NRM: variants seen among roughly 807,000 people sequenced by gnomAD.
NRM encodes the protein nuclear rim protein.
NRM carries 19 observed loss-of-function variants against 23.4 expected under a neutral mutation model. The ratio of observed to expected loss-of-function variants is 0.81; its 90% CI spans 0.57 to 1.19. The LOEUF is 1.19. Among genes scored for constraint, NRM ranks in the 50% most tolerant of loss-of-function variants. The probability of loss-of-function intolerance (pLI) is 0.00; values close to 1 mark genes in which losing one functional copy is unlikely to be tolerated. For synonymous variants in NRM, 140 were observed against 143.5 expected (o/e 0.98, Z 0.17); for missense variants, 232 against 329.7 (o/e 0.70, Z 2.30).
At position 30,690,693 on chromosome 6, in the gene NRM, T is replaced by C. The variant is rs1771530103; in HGVS notation, c.133+149A>G. On this transcript the variant is annotated intron_variant, in intron 1 of 3. Coordinates refer to ENST00000376421, the MANE Select transcript of NRM (RefSeq NM_001384369.1). This position sits in a 1 kb window ranked among gnomAD's most constrained non-coding sequence, Gnocchi z 5.5. The stretch of plus-strand genomic sequence containing the variant: ...GAGTTCCTAATTTAGAACTCAGGTC[T>C]CCCTCCCCTGTAGCTTCTCGGCCGC... 1 of 1,610,346 alleles carries C rather than the reference T, an allele frequency of 6.2e-7. No individual in the cohort carries two copies. The highest frequency in any genetic ancestry group is 1.3e-5 in the African/African-American group (1 of 74,996).
Position 30,689,494 on chromosome 6 carries a change from TGCCC to T in NRM, c.331-46_331-43del. 6.6e-7 allele frequency: 1 copy of T among 1,511,894 alleles called. No homozygotes were observed. Among genetic ancestry groups the T allele is most frequent in the Non-Finnish European group, 8.9e-7 (1 of 1,127,844 alleles). The allele number at this position is 1,511,894 out of a possible 1,614,324, so 93.7% of individuals were successfully genotyped here. A position where few individuals can be genotyped will look rare whatever the true frequency, so the allele number is the denominator to read the frequency against. On this transcript the variant is annotated intron_variant, in intron 2 of 3. Coordinates refer to ENST00000376421, the MANE Select transcript of NRM (RefSeq NM_001384369.1). The surrounding 1 kb of genome is among the most constrained non-coding windows in gnomAD (Gnocchi z 4.7). The stretch of plus-strand genomic sequence containing the variant: ...GGCTGGGTATCCCAGTGGCCTAGTC[TGCCC>T]GACCTTGGGAGACCCAGACCCAGAT...
In NRM at chr6:30,688,435, C is replaced by CCCACTCTTCCTTGCTGGTGA. The variant is rs1484004565; in HGVS notation, c.*206_*225dup. 3.3e-6 allele frequency: 2 copies of CCCACTCTTCCTTGCTGGTGA among 601,736 alleles called. No individual in the cohort carries two copies. The highest frequency in any genetic ancestry group is 5.5e-5 in the East Asian group (2 of 36,206). The allele number at this position is 601,736 out of a possible 1,614,324, so 37.3% of individuals were successfully genotyped here. A position where few individuals can be genotyped will look rare whatever the true frequency, so the allele number is the denominator to read the frequency against. On this transcript the variant is annotated 3_prime_UTR_variant, in exon 4 of 4. Coordinates refer to ENST00000376421, the MANE Select transcript of NRM (RefSeq NM_001384369.1). This position sits in a 1 kb window ranked among gnomAD's most constrained non-coding sequence, Gnocchi z 5.9. ...GTGAAGGGACAGATGACTTCCATAC[C>CCCACTCTTCCTTGCTGGTGA]CCACTCTTCCTTGCTGGTGAGAAGT...
chr6:30,691,287 A>C, upstream of NRM: 1 of 325,880 alleles, frequency 3.1e-6, no homozygotes, highest in Non-Finnish European at 5.8e-6. Context: ...CCCATCTAAA[A>C]TGAAAAGTTA....
At position 30,690,189 on chromosome 6, in the gene NRM, AG is replaced by A. The variant is rs757081047; in HGVS notation, c.187del (p.Leu63TrpfsTer23). ...AAGCAGGAGCCCCAGATCCCATGCC[AG>A]GGGGGCAAGGATGCTGCGGTCCTGC... Reference protein sequence around the residue: ...ALQDRSILAPLAWDLGLLLLF... With the variant: ...ALQDRSILAPXAWDLGLLLLF... On this transcript the variant is annotated frameshift_variant, in exon 2 of 4. Coordinates refer to ENST00000376421, the MANE Select transcript of NRM (RefSeq NM_001384369.1). LOFTEE classifies it high-confidence loss of function. The surrounding 1 kb of genome is among the most constrained non-coding windows in gnomAD (Gnocchi z 5.5). 8.1e-6 allele frequency: 13 copies of A among 1,611,362 alleles called. No individual in the cohort carries two copies. Among genetic ancestry groups the A allele is most frequent in the Non-Finnish European group, 9.3e-6 (11 of 1,179,408 alleles).
In NRM at chr6:30,688,948, A is replaced by C; in HGVS notation, c.508-6T>G. The C allele has an allele frequency of 6.2e-7, 1 of 1,607,020 alleles. No individual in the cohort carries two copies. Among genetic ancestry groups the C allele is most frequent in the South Asian group, 1.1e-5 (1 of 90,806 alleles). On this transcript the variant is annotated splice_region_variant and splice_polypyrimidine_tract_variant and intron_variant, in intron 3 of 3. Transcript: ENST00000376421. This position sits in a 1 kb window ranked among gnomAD's most constrained non-coding sequence, Gnocchi z 5.9. ...CCCAGCACATGGTAGTATACCTAAG[A>C]GAGGGAGAAGAGCTTAGAAATGGAG...
chr6:30,690,644 C>T lies in NRM; in HGVS notation c.133+198G>A, dbSNP rs766975099. 3 of 1,577,892 alleles carry T rather than the reference C, an allele frequency of 1.9e-6. No homozygotes were observed. The Admixed American group carries it at 5.5e-5, about 29-fold the overall frequency. ...TCGGCTCCCTCAGTCCTCACTCTCCCGCCTCTCCAAAACTCTAATCCTTGA... is the reference window on the plus strand; with the variant it reads ...TCGGCTCCCTCAGTCCTCACTCTCCTGCCTCTCCAAAACTCTAATCCTTGA... On this transcript the variant is annotated intron_variant, in intron 1 of 3. Coordinates refer to ENST00000376421, the MANE Select transcript of NRM (RefSeq NM_001384369.1). This position sits in a 1 kb window ranked among gnomAD's most constrained non-coding sequence, Gnocchi z 5.5.
In NRM at chr6:30,690,714, G is replaced by A; in HGVS notation, c.133+128C>T. On this transcript the variant is annotated intron_variant, in intron 1 of 3. Coordinates refer to ENST00000376421, the MANE Select transcript of NRM (RefSeq NM_001384369.1). The surrounding 1 kb of genome is among the most constrained non-coding windows in gnomAD (Gnocchi z 5.5). ...GGTCTCCCTCCCCTGTAGCTTCTCG[G>A]CCGCTTTCAAGGTTCGAGTTCCCTC... 1 of 1,610,828 alleles carries A rather than the reference G, an allele frequency of 6.2e-7. No homozygotes were observed. Among genetic ancestry groups the A allele is most frequent in the African/African-American group, 1.3e-5 (1 of 74,986 alleles).
At position 30,690,015 on chromosome 6, in the gene NRM, G is replaced by T. The variant is rs560722332; in HGVS notation, c.330+32C>A. 6.3e-7 allele frequency: 1 copy of T among 1,582,236 alleles called. No individual in the cohort carries two copies. The highest frequency in any genetic ancestry group is 1.4e-5 in the African/African-American group (1 of 72,828). ...TCTCCCTTGGGGACTCAACTGCCAG[G>T]ATTTCATACCTGCAAGGCCAGGGCC... is the stretch of plus-strand genomic sequence containing the variant. On this transcript the variant is annotated intron_variant, in intron 2 of 3. Transcript: ENST00000376421. This position sits in a 1 kb window ranked among gnomAD's most constrained non-coding sequence, Gnocchi z 5.5.
chr6:30,690,459 ACAC>A lies in NRM; in HGVS notation c.134-219_134-217del. 3.9e-6 allele frequency: 5 copies of A among 1,286,692 alleles called. No individual in the cohort carries two copies. In the South Asian group the frequency reaches 6.0e-5, roughly 15 times the overall value. The allele number at this position is 1,286,692 out of a possible 1,614,324, so 79.7% of individuals were successfully genotyped here. A position where few individuals can be genotyped will look rare whatever the true frequency, so the allele number is the denominator to read the frequency against. ...AAACCTGGGGAAGAGGATTTATAGA[ACAC>A]CACATGTTAGGCAGTTGCAAAAAGC... On this transcript the variant is annotated intron_variant, in intron 1 of 3. Coordinates refer to ENST00000376421, the MANE Select transcript of NRM (RefSeq NM_001384369.1). This position sits in a 1 kb window ranked among gnomAD's most constrained non-coding sequence, Gnocchi z 5.5.
chr6:30,689,278 G>A lies in NRM; in HGVS notation c.505C>T (p.Gln169Ter), dbSNP rs778062500. 1.3e-6 allele frequency: 2 copies of A among 1,553,158 alleles called. No individual in the cohort carries two copies. The highest frequency in any genetic ancestry group is 2.4e-5 in the East Asian group (1 of 41,232). The change falls in exon 3 of 4, where the codon CAG (glutamine) becomes TAG (stop). Residue 169 changes from glutamine (Q) to a stop codon, truncating the protein, a stop_gained and splice_region_variant. Coordinates refer to ENST00000376421, the MANE Select transcript of NRM (RefSeq NM_001384369.1). LOFTEE classifies it high-confidence loss of function. This position sits in a 1 kb window ranked among gnomAD's most constrained non-coding sequence, Gnocchi z 4.7. ...FDYAELMGLK[Q>*]VYYHVLGLGE... ...AGGTAGGGATCTCGGAGCCTCACCT[G>A]TTTGAGGCCCATGAGCTCAGCATAG...
chr6:30,690,616 T>A lies in NRM; in HGVS notation c.133+226A>T. Reference sequence around the variant, plus strand: ...ACTTAGAATACTCCGGTCACCGCCCTTTTCGGCTCCCTCAGTCCTCACTCT... The same window carrying A: ...ACTTAGAATACTCCGGTCACCGCCCATTTCGGCTCCCTCAGTCCTCACTCT... On this transcript the variant is annotated intron_variant, in intron 1 of 3. Transcript: ENST00000376421. The surrounding 1 kb of genome is among the most constrained non-coding windows in gnomAD (Gnocchi z 5.5). 1.3e-6 allele frequency: 2 copies of A among 1,552,176 alleles called. No individual in the cohort carries two copies. Among genetic ancestry groups the A allele is most frequent in the South Asian group, 1.2e-5 (1 of 84,732 alleles).
chr6:30,691,350 T>G, upstream of NRM: 1 of 174,630 alleles, frequency 5.7e-6, no homozygotes. Context: ...CAGAATACAA[T>G]ATACAGAATA....
chr6:30,690,702 T>A lies in NRM; in HGVS notation c.133+140A>T, dbSNP rs747266790. On this transcript the variant is annotated intron_variant, in intron 1 of 3. Coordinates refer to ENST00000376421, the MANE Select transcript of NRM (RefSeq NM_001384369.1). This position sits in a 1 kb window ranked among gnomAD's most constrained non-coding sequence, Gnocchi z 5.5. ...ATTTAGAACTCAGGTCTCCCTCCCC[T>A]GTAGCTTCTCGGCCGCTTTCAAGGT... 2 of 1,610,454 alleles carry A rather than the reference T, an allele frequency of 1.2e-6. No homozygotes were observed. Among genetic ancestry groups the A allele is most frequent in the East Asian group, 2.2e-5 (1 of 44,788 alleles).
At position 30,690,310 on chromosome 6, in the gene NRM, A is replaced by C; in HGVS notation, c.134-67T>G. ...GTGGCAGAATGTTTCCCCCACCCTC[A>C]TCTCCTCTTGGATCCCCAGGCCATG... is the stretch of plus-strand genomic sequence containing the variant. On this transcript the variant is annotated intron_variant, in intron 1 of 3. Transcript: ENST00000376421. This position sits in a 1 kb window ranked among gnomAD's most constrained non-coding sequence, Gnocchi z 5.5. 2.9e-6 allele frequency: 4 copies of C among 1,385,056 alleles called. No homozygotes were observed. The highest frequency in any genetic ancestry group is 3.9e-6 in the Non-Finnish European group (4 of 1,023,806). 85.8% of individuals were successfully genotyped at this position (1,385,056 alleles called of 1,614,324 possible).
chr6:30,691,264 CTCG>C (rs1206157903), upstream of NRM: 3 of 383,222 alleles, frequency 7.8e-6, no homozygotes, highest in African/African-American at 6.1e-5. Flanking sequence ...TGAATCTCAG[CTCG>C]TCTAGTTTTC....
chr6:30,690,957 G>A lies in NRM; in HGVS notation c.18C>T (p.Leu6=). The A allele has an allele frequency of 6.3e-7, 1 of 1,599,716 alleles. No individual in the cohort carries two copies. Among genetic ancestry groups the A allele is most frequent in the African/African-American group, 1.3e-5 (1 of 74,580 alleles). Residue 6 remains leucine, a synonymous_variant, in exon 1 of 4, where the codon CTC becomes CTT. Coordinates refer to ENST00000376421, the MANE Select transcript of NRM (RefSeq NM_001384369.1). The surrounding 1 kb of genome is among the most constrained non-coding windows in gnomAD (Gnocchi z 5.5). ...AAGAGGCGAGGGCAGCAGGGATCAG[G>A]AGCAGTGCAGGGGCCATGGCGAGAA... The part of the protein sequence containing the change: MAPAL[L]LIPAALASFI...
rs1009918633 is a variant in NRM at position 30,689,893 on chromosome 6, T to G, written c.330+154A>C. ...ACCCTTCTTGATAAAAAGTAGGATA[T>G]GTGCTGTGGAGGAATGGAAGCTGAG... On this transcript the variant is annotated intron_variant, in intron 2 of 3. Transcript: ENST00000376421. This position sits in a 1 kb window ranked among gnomAD's most constrained non-coding sequence, Gnocchi z 4.7. 1 of 662,432 alleles carries G rather than the reference T, an allele frequency of 1.5e-6. No homozygotes were observed. The highest frequency in any genetic ancestry group is 1.9e-5 in the African/African-American group (1 of 52,926). The allele number at this position is 662,432 out of a possible 1,614,324, so 41.0% of individuals were successfully genotyped here.
chr6:30,688,560 A>G lies in NRM; in HGVS notation c.*101T>C, dbSNP rs971827273. On this transcript the variant is annotated 3_prime_UTR_variant, in exon 4 of 4. Coordinates refer to ENST00000376421, the MANE Select transcript of NRM (RefSeq NM_001384369.1). This position sits in a 1 kb window ranked among gnomAD's most constrained non-coding sequence, Gnocchi z 5.9. ...GTAGAAGGGGCATCTCCTTCAGTCC[A>G]TGGATTTGGGCCTCTGGCATGAAGC... 4.5e-6 allele frequency: 6 copies of G among 1,335,368 alleles called. No individual in the cohort carries two copies. Among genetic ancestry groups the G allele is most frequent in the African/African-American group, 1.5e-5 (1 of 68,312 alleles). 82.7% of individuals were successfully genotyped at this position (1,335,368 alleles called of 1,614,324 possible). A position where few individuals can be genotyped will look rare whatever the true frequency, so the allele number is the denominator to read the frequency against.
At position 30,689,369 on chromosome 6, in the gene NRM, CG is replaced by C. The variant is rs930868741; in HGVS notation, c.413del (p.Pro138ArgfsTer46). 42 of 1,560,670 alleles carry C rather than the reference CG, an allele frequency of 2.7e-5. No individual in the cohort carries two copies. The highest frequency in any genetic ancestry group is 3.6e-5 in the Non-Finnish European group (41 of 1,152,240). The part of the protein sequence containing the change: ...ARAEPWATWV[P>X]LLCFVLHVIS... ...TGACATGGAGCACAAAGCAGAGGAG[CG>C]GCACCCAGGTGGCCCATGGCTCAGC... On this transcript the variant is annotated frameshift_variant, in exon 3 of 4. Transcript: ENST00000376421. LOFTEE classifies it high-confidence loss of function. The surrounding 1 kb of genome is among the most constrained non-coding windows in gnomAD (Gnocchi z 4.7).
Sources: gnomAD v4.1 joint callset for allele counts on GRCh38, gnomAD v4.1.1 for gene constraint, Gnocchi (gnomAD v3.1) non-coding constraint, MANE v1.5 for transcripts, NCBI Gene and HGNC (gene_info 2026-07-23, HGNC 2026-07-21) for gene names.